Variants in DLG2 observed in about 807,000 individuals in gnomAD.
DLG2 encodes the protein disks large homolog 2.
Under a neutral mutation model 132.5 loss-of-function variants are expected in DLG2, and 45 were observed. The ratio of observed to expected loss-of-function variants is 0.34; its 90% CI spans 0.27 to 0.44. DLG2 has a LOEUF of 0.44. Ranked by LOEUF, DLG2 falls within the 20% of genes least tolerant of loss-of-function variation. The pLI is 1.00. For missense variants in DLG2, 1,045 were observed against 1,196.9 expected (o/e 0.87, Z 1.87); for synonymous variants, 424 against 419.6 (o/e 1.01, Z -0.13).
intron 6 of DLG2, among the ~76,000 whole-genome samples, chr11:84,716,310 A>C (rs1292155654): frequency 6.6e-6 from 1 of 152,110 alleles, no homozygotes; most frequent in Non-Finnish European, 1.5e-5. Context: ...GCAAAGGAAT[A>C]ATTGTAGAGA....
chr11:83,829,342 G>A (rs1361460543), intron 17 of DLG2, among the ~76,000 whole-genome samples: 2 of 151,828 alleles, frequency 1.3e-5, no homozygotes, highest in Admixed American at 6.6e-5. Flanking sequence ...GACTACAGGT[G>A]CACACCACGA....
At chr11:85,389,819 T>G (rs1200565780) in intron 3 of DLG2, among the ~76,000 whole-genome samples, 1 of 152,116 alleles carries the variant, frequency 6.6e-6, no homozygotes, top group Non-Finnish European at 1.5e-5. Flanking sequence ...GCTGAGAGAA[T>G]TCTCCACTAC....
chr11:84,611,179 C>G (rs1484854346), intron 6 of DLG2, among the ~76,000 whole-genome samples: 1 of 152,004 alleles, frequency 6.6e-6, no homozygotes, highest in Non-Finnish European at 1.5e-5. Flanking sequence ...AGGCCAAGGA[C>G]CATGTGTTAT....
intron 4 of DLG2, among the ~76,000 whole-genome samples, chr11:85,206,531 G>A (rs528338727): frequency 1.3e-5 from 2 of 152,178 alleles, no homozygotes; most frequent in East Asian, 3.9e-4. Context: ...CAAATACATG[G>A]TATATAAGTA....
intron 6 of DLG2, among the ~76,000 whole-genome samples, chr11:84,777,249 T>C (rs931784820): frequency 0.059 from 4 of 68 alleles, no homozygotes; most frequent in African/African-American, 0.18. Flanking sequence ...GTCTAAATAG[T>C]ATCCATTGTG....
intron 6 of DLG2, among the ~76,000 whole-genome samples, chr11:85,108,346 A>G (rs1163338102): frequency 6.6e-6 from 1 of 152,104 alleles, no homozygotes; most frequent in Non-Finnish European, 1.5e-5. Flanking sequence ...TCAATTTATT[A>G]GGCCTGTAAG....
At chr11:84,991,293 T>C (rs781502041) in intron 6 of DLG2, among the ~76,000 whole-genome samples, 1 of 152,006 alleles carries the variant, frequency 6.6e-6, no homozygotes, top group Non-Finnish European at 1.5e-5. Context: ...GAGGATCGCT[T>C]GAGCCCAGGA....
At chr11:84,258,190 A>T (rs1278394285) in intron 7 of DLG2, among the ~76,000 whole-genome samples, 1 of 152,186 alleles carries the variant, frequency 6.6e-6, no homozygotes, top group Non-Finnish European at 1.5e-5. Flanking sequence ...AGGCTGACTG[A>T]TTCAGGCATT....
intron 3 of DLG2, among the ~76,000 whole-genome samples, chr11:85,407,675 C>T (rs376455374): frequency 2.8e-4 from 43 of 151,794 alleles, no homozygotes; most frequent in Admixed American, 8.6e-4. Flanking sequence ...ACACCAACTA[C>T]TGCAGTGGAC....
At chr11:83,619,148 G>A (rs1227600948) in intron 19 of DLG2, among the ~76,000 whole-genome samples, 1 of 152,140 alleles carries the variant, frequency 6.6e-6, no homozygotes. Context: ...GAAACCTCAT[G>A]CCTCTTTGCT....
At chr11:85,450,398 C>T (rs968912542) in intron 3 of DLG2, among the ~76,000 whole-genome samples, 1 of 152,046 alleles carries the variant, frequency 6.6e-6, no homozygotes, top group African/African-American at 2.4e-5. Flanking sequence ...GCTTTTTCTC[C>T]TCCACTGCCT....
intron 19 of DLG2, among the ~76,000 whole-genome samples, chr11:83,551,091 C>T (rs767733384): frequency 1.3e-5 from 2 of 152,134 alleles, no homozygotes; most frequent in Non-Finnish European, 1.5e-5. Flanking sequence ...GTATGATTTT[C>T]AGCAAATTAC....
chr11:85,087,863 A>AAAAAAAC (rs2068185800), intron 6 of DLG2, among the ~76,000 whole-genome samples: 1 of 148,868 alleles, frequency 6.7e-6, no homozygotes, highest in Non-Finnish European at 1.5e-5. Context: ...AAAAAAAAAA[A>AAAAAAAC]AAAAAACAGA....
At chr11:85,625,297 T>C (rs2081974685) in intron 2 of DLG2, 1 of 152,336 alleles carries the variant, frequency 6.6e-6, no homozygotes, top group African/African-American at 2.4e-5. Flanking sequence ...AACTTAAATA[T>C]GTCAAAGAGC....
intron 6 of DLG2, among the ~76,000 whole-genome samples, chr11:84,638,864 C>T (rs2099645748): frequency 6.6e-6 from 1 of 152,080 alleles, no homozygotes; most frequent in South Asian, 2.1e-4. Context: ...TCATAGAATT[C>T]CAGTGTAACA....
At chr11:85,388,824 G>A (rs181196452) in intron 3 of DLG2, among the ~76,000 whole-genome samples, 20 of 152,200 alleles carry the variant, frequency 1.3e-4, no homozygotes, top group Admixed American at 5.2e-4. Context: ...AGGCAGCACC[G>A]CCATGGGACA....
intron 3 of DLG2, among the ~76,000 whole-genome samples, chr11:85,435,775 T>C (rs1238806502): frequency 6.6e-6 from 1 of 152,192 alleles, no homozygotes; most frequent in Non-Finnish European, 1.5e-5. Flanking sequence ...CCCATCAAAC[T>C]ACCATTGACA....
intron 6 of DLG2, among the ~76,000 whole-genome samples, chr11:84,991,123 A>C (rs2154125194): frequency 6.6e-6 from 1 of 152,344 alleles, no homozygotes; most frequent in East Asian, 1.9e-4. Flanking sequence ...TACATGCATG[A>C]TTTAATTTAT....
At chr11:84,381,134 A>T (rs2098747829) in intron 7 of DLG2, among the ~76,000 whole-genome samples, 1 of 152,096 alleles carries the variant, frequency 6.6e-6, no homozygotes, top group Non-Finnish European at 1.5e-5. Flanking sequence ...AATTAAAAAA[A>T]ATGACAAATT....
Sources: gnomAD v4.1 joint callset for allele counts (sites outside exome capture counted in the v4.1 genomes callset) on GRCh38, gnomAD v4.1.1 for gene constraint, MANE v1.5 for transcripts, NCBI Gene and HGNC (gene_info 2026-07-23, HGNC 2026-07-21) for gene names.